Variants in ADGRL1 observed in about 807,000 individuals in gnomAD.
ADGRL1 encodes the protein adhesion G protein-coupled receptor L1, also known as CIRL-1.
A neutral mutation model predicts 148.9 loss-of-function variants in ADGRL1; 31 were observed. That is an observed-to-expected ratio of 0.21 (90% CI 0.16 to 0.28). ADGRL1 has a LOEUF of 0.28. ADGRL1 is among the 10% of genes least tolerant of loss of function. The pLI is 1.00. For synonymous variants in ADGRL1, 937 were observed against 900.3 expected (o/e 1.04, Z -0.73); for missense variants, 1,521 against 2,058.8 (o/e 0.74, Z 5.05).
rs372374138 is a variant in ADGRL1, at chr19:14,184,741, G to A, written c.-95-1044C>T. 4.4e-4 allele frequency among the ~76,000 whole-genome samples: 67 copies of A among 151,184 alleles called. No individual in the cohort carries two copies. The East Asian group carries it at 0.011, about 24-fold the overall frequency. ...TGCAAGCTCCGCCTCCTGGGTTCAC[G>A]CCATTCTCCTGCCTCAGCCTCCCGA... On this transcript the variant is annotated intron_variant, in intron 1 of 22. Transcript: ENST00000361434.
intron 12 of ADGRL1, 72 bp downstream of exon 12, chr19:14,158,266 G>T: frequency 6.8e-7 from 1 of 1,470,778 alleles, no homozygotes; most frequent in Non-Finnish European, 9.5e-7. Flanking sequence ...GCACATGGAG[G>T]GGCAGGTACA....
At chr19:14,167,667 G>T (rs1266820943) in intron 4 of ADGRL1, among the ~76,000 whole-genome samples, 1 of 152,094 alleles carries the variant, frequency 6.6e-6, no homozygotes. Context: ...AGCAAACACA[G>T]AGAGAAGGTG....
rs1283681999 is a variant in ADGRL1 at position 14,160,775 on chromosome 19, G to A, written c.1511-79C>T. 3.6e-6 allele frequency: 3 copies of A among 826,582 alleles called. No homozygotes were observed. In the African/African-American group the frequency reaches 5.0e-5, roughly 14 times the overall value. 51.2% of individuals were successfully genotyped at this position (826,582 alleles called of 1,614,324 possible). A position where few individuals can be genotyped will look rare whatever the true frequency, so the allele number is the denominator to read the frequency against. On this transcript the variant is annotated intron_variant, in intron 6 of 22. Coordinates refer to ENST00000361434, the MANE Select transcript of ADGRL1 (RefSeq NM_014921.5). The surrounding 1 kb of genome is among the most constrained non-coding windows in gnomAD (Gnocchi z 5.9). ...GGATGGGACAGAGAGGGGGAAAGGA[G>A]ATGACAGAGAGTGGGGGACGAGCGG...
Position 14,157,840 on chromosome 19 carries a change from CA to C in ADGRL1, c.2535+41del. On this transcript the variant is annotated intron_variant, in intron 13 of 22. Transcript: ENST00000361434. The surrounding 1 kb of genome is among the most constrained non-coding windows in gnomAD (Gnocchi z 7.5). ...AGGATGCCATGCAAAGCCAGGCCAGCAATCGGGCCTGCCTGGAGGAGCAGAG... is the reference window on the plus strand; with the variant it reads ...AGGATGCCATGCAAAGCCAGGCCAGCATCGGGCCTGCCTGGAGGAGCAGAG... 1 of 1,604,348 alleles carries C rather than the reference CA, an allele frequency of 6.2e-7. No homozygotes were observed. Among genetic ancestry groups the C allele is most frequent in the East Asian group, 2.2e-5 (1 of 44,766 alleles).
intron 1 of ADGRL1, among the ~76,000 whole-genome samples, chr19:14,190,582 G>A (rs563626854): frequency 6.6e-6 from 1 of 152,120 alleles, no homozygotes. Context: ...GTGTTTATCT[G>A]AAAGCTGAAA....
chr19:14,162,741 T>C lies in ADGRL1; in HGVS notation c.1060A>G (p.Ser354Gly), dbSNP rs1160858690. 1 of 1,614,216 alleles carries C rather than the reference T, an allele frequency of 6.2e-7. No homozygotes were observed. The highest frequency in any genetic ancestry group is 8.5e-7 in the Non-Finnish European group (1 of 1,180,038). ...NTNANREEPV[S>G]LTFPNPYQFI... is the part of the protein sequence containing the mutation. ...TGGTAGGGGTTGGGGAAGGTGAGGC[T>C]GACAGGCTCCTCGCGGTTGGCATTG... The change falls in exon 5 of 23, where the codon AGC becomes GGC. Residue 354 changes from serine to glycine, a missense_variant. By Grantham distance (56) the Ser-to-Gly change is moderately conservative (BLOSUM62 0). This residue lies in a region of ADGRL1 where 270 missense variants were observed against 320.4 expected (regional missense o/e 0.84). Transcript: ENST00000361434. This position sits in a 1 kb window ranked among gnomAD's most constrained non-coding sequence, Gnocchi z 5.4.
intron 3 of ADGRL1, 94 bp downstream of exon 3, chr19:14,177,437 A>T (rs1014305058): frequency 4.1e-5 from 48 of 1,162,834 alleles, no homozygotes; most frequent in Non-Finnish European, 5.4e-5. Context: ...TTGAATGCAT[A>T]AAAAAAAGAT....
Position 14,158,403 on chromosome 19 carries a change from T to C in ADGRL1, c.2299A>G (p.Ile767Val), listed in dbSNP as rs1202871020. 3.1e-6 allele frequency: 5 copies of C among 1,613,616 alleles called. No individual in the cohort carries two copies. Among genetic ancestry groups the C allele is most frequent in the Non-Finnish European group, 4.2e-6 (5 of 1,180,038 alleles). ...AAGACGCGGCTGGACTCCTTGTTGATGGATGCTGCGATGACCTGTGAGTTC... is the reference window on the plus strand; with the variant it reads ...AAGACGCGGCTGGACTCCTTGTTGACGGATGCTGCGATGACCTGTGAGTTC... ...VVNSQVIAASINKESSRVFLM... is the reference protein window; with the variant it reads ...VVNSQVIAASVNKESSRVFLM... The change falls in exon 12 of 23, where the codon ATC (isoleucine) becomes GTC (valine). Residue 767 changes from isoleucine to valine, a missense_variant. Transcript: ENST00000361434.
intron 1 of ADGRL1, 117 bp downstream of exon 1, chr19:14,205,868 C>A (rs891722370): frequency 6.6e-6 from 1 of 152,186 alleles, no homozygotes; most frequent in East Asian, 1.9e-4. Context: ...TCCCCTCCCC[C>A]CTCGCGGCCA....
intron 2 of ADGRL1, among the ~76,000 whole-genome samples, chr19:14,178,248 T>C (rs1459686224): frequency 6.6e-6 from 1 of 152,166 alleles, no homozygotes; most frequent in Non-Finnish European, 1.5e-5. Flanking sequence ...CACACACTTG[T>C]AACCCCAGCA....
At chr19:14,203,246 C>G (rs1972733539) in intron 1 of ADGRL1, among the ~76,000 whole-genome samples, 2 of 152,210 alleles carry the variant, frequency 1.3e-5, no homozygotes, top group Admixed American at 6.5e-5. Flanking sequence ...ATCTGGAAAT[C>G]AGATCCGTGA....
intron 18 of ADGRL1, 113 bp from the exon 19 acceptor site, chr19:14,153,025 C>T (rs1474852943): frequency 4.7e-6 from 6 of 1,279,990 alleles, no homozygotes; most frequent in East Asian, 2.4e-5. Context: ...ACCGAGCTTC[C>T]AATGACTGTG....
intron 1 of ADGRL1, among the ~76,000 whole-genome samples, chr19:14,197,130 G>A (rs574759383): frequency 6.6e-6 from 1 of 152,178 alleles, no homozygotes; most frequent in South Asian, 2.1e-4. Flanking sequence ...AAATTAGCCA[G>A]GCATGGTGGC....
chr19:14,190,388 T>C (rs1971853131), intron 1 of ADGRL1, among the ~76,000 whole-genome samples: 3 of 152,200 alleles, frequency 2.0e-5, no homozygotes, highest in African/African-American at 7.2e-5. Context: ...CACCTCAGCC[T>C]TCCGTGTAGC....
In ADGRL1 at chr19:14,183,713, G is replaced by A. The variant is rs1195035854; in HGVS notation, c.-95-16C>T. ...GACCACCAGCCTGGGGGAGGACAGGGAGACTGAGGTGGGGATAGGGCCTCC... is the reference window on the plus strand; with the variant it reads ...GACCACCAGCCTGGGGGAGGACAGGAAGACTGAGGTGGGGATAGGGCCTCC... On this transcript the variant is annotated splice_polypyrimidine_tract_variant and intron_variant, in intron 1 of 22. Coordinates refer to ENST00000361434, the MANE Select transcript of ADGRL1 (RefSeq NM_014921.5). 3 of 980,180 alleles carry A rather than the reference G, an allele frequency of 3.1e-6. No individual in the cohort carries two copies. The highest frequency in any genetic ancestry group is 2.7e-5 in the East Asian group (1 of 37,068). The allele number at this position is 980,180 out of a possible 1,614,324, so 60.7% of individuals were successfully genotyped here. A position where few individuals can be genotyped will look rare whatever the true frequency, so the allele number is the denominator to read the frequency against.
At chr19:14,194,764 G>A (rs1435712962) in intron 1 of ADGRL1, among the ~76,000 whole-genome samples, 1 of 151,002 alleles carries the variant, frequency 6.6e-6, no homozygotes, top group Non-Finnish European at 1.5e-5. Flanking sequence ...GGTCACGCCT[G>A]GACGTTCTAC....
In ADGRL1 at chr19:14,183,516, G is replaced by GC; in HGVS notation, c.70+16dup. Reference sequence around the variant, plus strand: ...GTTTGGGAGCCGCGGCCCCTCCCCGGCCCCAGCAGCACCTACCTTGGGTGG... The same window carrying GC: ...GTTTGGGAGCCGCGGCCCCTCCCCGGCCCCCAGCAGCACCTACCTTGGGTGG... On this transcript the variant is annotated intron_variant, in intron 2 of 22. Transcript: ENST00000361434. 1.9e-6 allele frequency: 3 copies of GC among 1,559,914 alleles called. No homozygotes were observed. Among genetic ancestry groups the GC allele is most frequent in the African/African-American group, 1.4e-5 (1 of 73,532 alleles).
At chr19:14,200,785 A>T (rs554650438) in intron 1 of ADGRL1, among the ~76,000 whole-genome samples, 311 of 151,036 alleles carry the variant, frequency 2.1e-3, no homozygotes, top group African/African-American at 7.1e-3. Flanking sequence ...CTAATTTTTA[A>T]ATTTTGTATT....
chr19:14,160,380 GCCTCT>G lies in ADGRL1; in HGVS notation c.1615-88_1615-84del. 1 of 1,296,646 alleles carries G rather than the reference GCCTCT, an allele frequency of 7.7e-7. No homozygotes were observed. The highest frequency in any genetic ancestry group is 1.1e-6 in the Non-Finnish European group (1 of 937,012). The allele number at this position is 1,296,646 out of a possible 1,614,324, so 80.3% of individuals were successfully genotyped here. On this transcript the variant is annotated intron_variant, in intron 7 of 22. Transcript: ENST00000361434. This position sits in a 1 kb window ranked among gnomAD's most constrained non-coding sequence, Gnocchi z 5.9. ...CTCCCCGGCTTCCCTGGCCTGTGCAGCCTCTCCTATCTCTCTCTCCACTTCCCCAT... is the reference window on the plus strand; with the variant it reads ...CTCCCCGGCTTCCCTGGCCTGTGCAGCCTATCTCTCTCTCCACTTCCCCAT...
Sources: allele counts gnomAD v4.1 joint callset (sites outside exome capture counted in the v4.1 genomes callset), GRCh38; gene constraint gnomAD v4.1.1; regional missense constraint gnomAD v4.1.1; non-coding constraint Gnocchi (gnomAD v3.1); transcripts MANE v1.5; gene names NCBI Gene and HGNC (gene_info 2026-07-23, HGNC 2026-07-21).